MTHFD1: variants seen among roughly 807,000 people sequenced by gnomAD.
The protein encoded by MTHFD1 is C-1-tetrahydrofolate synthase, cytoplasmic.
In MTHFD1, 44 loss-of-function variants were observed where a neutral mutation model predicts 110.3. The observed-to-expected ratio is 0.40, with a 90% confidence interval of 0.31 to 0.51. MTHFD1 has a LOEUF of 0.51. MTHFD1 is among the 20% of genes least tolerant of loss of function. The pLI is 0.60. For missense variants in MTHFD1, 909 were observed against 1,173.1 expected, an observed-to-expected ratio of 0.77 and a Z score of 3.29; for synonymous variants, 402 against 428.8, an observed-to-expected ratio of 0.94 and a Z score of 0.77.
chr14:64,400,390 A>G (rs539343243), intron 1 of MTHFD1, among the ~76,000 whole-genome samples: 2 of 151,096 alleles, frequency 1.3e-5, no homozygotes, highest in South Asian at 4.2e-4. Flanking sequence ...CTTGGTCTCA[A>G]AAAAAAAGAG....
chr14:64,402,503 T>G (rs913318516), intron 2 of MTHFD1, among the ~76,000 whole-genome samples: 1 of 152,226 alleles, frequency 6.6e-6, no homozygotes, highest in Admixed American at 6.5e-5. Context: ...TGAGAAAATA[T>G]TTGTCAAATA....
chr14:64,397,869 A>G (rs529456681), intron 1 of MTHFD1, among the ~76,000 whole-genome samples: 1 of 152,340 alleles, frequency 6.6e-6, no homozygotes, highest in East Asian at 1.9e-4. Flanking sequence ...GTTATATTTT[A>G]GCAATGTGTT....
chr14:64,403,044 T>C (rs1429690517), intron 2 of MTHFD1, among the ~76,000 whole-genome samples: 1 of 152,134 alleles, frequency 6.6e-6, no homozygotes, highest in Non-Finnish European at 1.5e-5. Flanking sequence ...ACTGCAACCT[T>C]CATCTCCCAG....
chr14:64,445,435 A>G (rs2078282553), intron 22 of MTHFD1, among the ~76,000 whole-genome samples: 1 of 152,216 alleles, frequency 6.6e-6, no homozygotes, highest in South Asian at 2.1e-4. Flanking sequence ...TATGTCATTT[A>G]CCATCAAAGA....
In MTHFD1 at chr14:64,454,737, C is replaced by T; in HGVS notation, c.2580C>T (p.Leu860=). Residue 860 remains leucine, a synonymous_variant, in exon 26 of 28, where the codon CTC becomes CTT. Transcript: ENST00000652337. ...TCTTTCCCCAGGGCTTTGGGAATCT[C>T]CCCATCTGCATGGCTAAAACACACT... is the stretch of plus-strand genomic sequence containing the variant. ...EVYTKQGFGN[L]PICMAKTHLS... The T allele has an allele frequency of 6.2e-7, 1 of 1,613,846 alleles. No individual in the cohort carries two copies. Among genetic ancestry groups the T allele is most frequent in the Non-Finnish European group, 8.5e-7 (1 of 1,179,720 alleles).
At chr14:64,443,709 T>C (rs1025466341) in intron 21 of MTHFD1, among the ~76,000 whole-genome samples, 4 of 152,098 alleles carry the variant, frequency 2.6e-5, no homozygotes, top group East Asian at 3.8e-4. Context: ...CCCTTTTTTT[T>C]CCCAGTCACA....
At chr14:64,401,135 CT>C (rs199502256) in intron 2 of MTHFD1, among the ~76,000 whole-genome samples, 1 of 151,770 alleles carries the variant, frequency 6.6e-6, no homozygotes, top group African/African-American at 2.4e-5. Flanking sequence ...CCTTTACAAT[CT>C]TTTTTTTCTT....
chr14:64,449,190 A>G (rs912638161), intron 23 of MTHFD1: 1 of 536,322 alleles, frequency 1.9e-6, no homozygotes, highest in East Asian at 3.4e-5. Context: ...TCTGAGTCTC[A>G]TAACGTCCCA....
intron 23 of MTHFD1, 155 bp from the exon 24 acceptor site, chr14:64,449,290 G>GT (rs1470996927): frequency 1.2e-6 from 1 of 803,516 alleles, no homozygotes; most frequent in African/African-American, 1.7e-5. Context: ...TCACCAGCTA[G>GT]TAAGTTTCGG....
rs2078200456 is a variant in MTHFD1 at position 64,435,618 on chromosome 14, TA to T, written c.1547del (p.Asn516ThrfsTer13). On this transcript the variant is annotated frameshift_variant, in exon 16 of 28. Coordinates refer to ENST00000652337, the MANE Select transcript of MTHFD1 (RefSeq NM_005956.4). LOFTEE classifies it high-confidence loss of function. ...CCTACCACACTGACAGATGAAGAGATAAACAGATTTGCAAGATTGGACATTG... is the reference window on the plus strand; with the variant it reads ...CCTACCACACTGACAGATGAAGAGATAACAGATTTGCAAGATTGGACATTG... ...TDPTTLTDEE[I>X]NRFARLDIDP... 6.2e-7 allele frequency: 1 copy of T among 1,612,792 alleles called. No homozygotes were observed. The highest frequency in any genetic ancestry group is 8.5e-7 in the Non-Finnish European group (1 of 1,178,930).
intron 1 of MTHFD1, among the ~76,000 whole-genome samples, chr14:64,390,126 A>G (rs2077792844): frequency 6.6e-6 from 1 of 152,196 alleles, no homozygotes; most frequent in African/African-American, 2.4e-5. Flanking sequence ...AAATTAATTA[A>G]CCTTTCTGTG....
In MTHFD1 at chr14:64,431,771, CTTTCT is replaced by C. The variant is rs776814412; in HGVS notation, c.1420-8_1420-4del. On this transcript the variant is annotated splice_polypyrimidine_tract_variant and intron_variant, in intron 14 of 27. Transcript: ENST00000652337. The stretch of plus-strand genomic sequence containing the variant: ...TGGGGCTCCTCTCATTTTAAAGCCC[CTTTCT>C]TTTCTTTAAGGCTCTCTTTAATCGT... The C allele has an allele frequency of 4.2e-5, 68 of 1,613,508 alleles. No individual in the cohort carries two copies. Among genetic ancestry groups the C allele is most frequent in the Non-Finnish European group, 5.2e-5 (61 of 1,179,548 alleles).
intron 2 of MTHFD1, among the ~76,000 whole-genome samples, chr14:64,410,057 TGGAGCATGAAACAATATTA>T (rs990167002): frequency 2.0e-4 from 30 of 152,306 alleles, no homozygotes; most frequent in Admixed American, 9.8e-4. Flanking sequence ...TACCAACCAC[TGGAGCATGAAACAATATTA>T]GTACAATAAA....
intron 10 of MTHFD1, 59 bp downstream of exon 10, chr14:64,425,886 A>T: frequency 6.3e-7 from 1 of 1,582,314 alleles, no homozygotes; most frequent in Admixed American, 1.7e-5. Flanking sequence ...TAGTTGACAG[A>T]TACTGTGGGT....
intron 22 of MTHFD1, among the ~76,000 whole-genome samples, chr14:64,447,159 T>C (rs2078296637): frequency 7.4e-6 from 1 of 134,586 alleles, no homozygotes; most frequent in African/African-American, 2.8e-5. Context: ...CTTTTTTTTT[T>C]TTTTTTTTTT....
Position 64,454,821 on chromosome 14 carries a change from T to G in MTHFD1, c.2664T>G (p.Ile888Met). 1 of 1,614,226 alleles carries G rather than the reference T, an allele frequency of 6.2e-7. No homozygotes were observed. Among genetic ancestry groups the G allele is most frequent in the Non-Finnish European group, 8.5e-7 (1 of 1,180,042 alleles). The stretch of plus-strand genomic sequence containing the variant: ...TCCCTACAGGCTTCATTCTGCCCAT[T>G]CGCGACATCCGCGCCAGCGTTGGGG... ...KGVPTGFILPIRDIRASVGAG... is the reference protein window; with the variant it reads ...KGVPTGFILPMRDIRASVGAG... The change falls in exon 26 of 28, where the codon ATT (isoleucine) becomes ATG (methionine). Residue 888 changes from isoleucine (I) to methionine (M), a missense_variant. By Grantham distance (10) the Ile-to-Met change is conservative. This residue lies in a region of MTHFD1 where 482 missense variants were observed against 646.0 expected (regional missense o/e 0.75). Transcript: ENST00000652337.
intron 18 of MTHFD1, 146 bp from the exon 19 acceptor site, chr14:64,441,239 A>G (rs1357070264): frequency 3.7e-5 from 29 of 788,904 alleles, no homozygotes; most frequent in Middle Eastern, 2.2e-4. Context: ...ATATCCAGAA[A>G]AAAACCATGA....
In MTHFD1 at chr14:64,425,164, C is replaced by T. The variant is rs575383963; in HGVS notation, c.855+233C>T. Among the ~76,000 whole-genome samples, 16 of 150,382 alleles carry T rather than the reference C, an allele frequency of 1.1e-4. No individual in the cohort carries two copies. The South Asian group carries it at 2.7e-3, about 26-fold the overall frequency. Reference sequence around the variant, plus strand: ...TAATAACTTTGAAAGAAGAAAAGTGCGATCACACTGGCTTGGCCAGGTCTG... The same window carrying T: ...TAATAACTTTGAAAGAAGAAAAGTGTGATCACACTGGCTTGGCCAGGTCTG... On this transcript the variant is annotated intron_variant, in intron 9 of 27. Coordinates refer to ENST00000652337, the MANE Select transcript of MTHFD1 (RefSeq NM_005956.4).
intron 12 of MTHFD1, among the ~76,000 whole-genome samples, chr14:64,429,943 A>G (rs1280642305): frequency 1.3e-5 from 2 of 152,240 alleles, no homozygotes; most frequent in African/African-American, 4.8e-5. Context: ...AGTAATTACA[A>G]GGAACATATT....
Sources: gnomAD v4.1 joint callset for allele counts (sites outside exome capture counted in the v4.1 genomes callset) on GRCh38, gnomAD v4.1.1 for gene constraint, gnomAD v4.1.1 regional missense constraint, MANE v1.5 for transcripts, NCBI Gene and HGNC (gene_info 2026-07-23, HGNC 2026-07-21) for gene names.